BIRC2: variants seen among roughly 807,000 people sequenced by gnomAD.
The protein encoded by BIRC2 is baculoviral IAP repeat containing 2, also known as baculoviral IAP repeat-containing protein 2.
Under a neutral mutation model 60.9 loss-of-function variants are expected in BIRC2, and 18 were observed. That is an observed-to-expected ratio of 0.30 (90% confidence interval 0.20 to 0.44). The LOEUF is 0.44. Among genes scored for constraint, BIRC2 ranks in the 20% least tolerant of loss-of-function variants. The probability of loss-of-function intolerance (pLI) is 1.00; values close to 1 mark genes in which losing one functional copy is unlikely to be tolerated. For synonymous variants in BIRC2, 282 were observed against 247.7 expected (o/e 1.14, Z -1.30); for missense variants, 701 against 728.5 (o/e 0.96, Z 0.43).
intron 5 of BIRC2, among the ~76,000 whole-genome samples, chr11:102,365,488 C>G (rs1951542730): frequency 6.6e-6 from 1 of 152,172 alleles, no homozygotes; most frequent in South Asian, 2.1e-4. Flanking sequence ...AGAAACTGTT[C>G]TTGTCATGGT....
intron 3 of BIRC2, among the ~76,000 whole-genome samples, chr11:102,357,104 G>A (rs1321912637): frequency 6.6e-6 from 1 of 152,080 alleles, no homozygotes; most frequent in African/African-American, 2.4e-5. Flanking sequence ...TGCTGAATTC[G>A]GTTTGCTAGT....
chr11:102,372,772 A>T (rs1276673660), intron 6 of BIRC2, among the ~76,000 whole-genome samples: 2 of 122,712 alleles, frequency 1.6e-5, no homozygotes, highest in Non-Finnish European at 3.4e-5. Flanking sequence ...TGGGGTGTTA[A>T]AGTCTCCCAT....
intron 6 of BIRC2, among the ~76,000 whole-genome samples, chr11:102,373,502 C>G (rs933208946): frequency 3.3e-5 from 5 of 151,944 alleles, no homozygotes; most frequent in African/African-American, 9.7e-5. Context: ...GGCCCCCACT[C>G]TCTTCTGGCT....
chr11:102,373,513 T>C (rs1951660831), intron 6 of BIRC2, among the ~76,000 whole-genome samples: 1 of 152,050 alleles, frequency 6.6e-6, no homozygotes, highest in Non-Finnish European at 1.5e-5. Flanking sequence ...TCTTCTGGCT[T>C]GTAGGGTTTC....
Position 102,368,544 on chromosome 11 carries a change from A to G in BIRC2, c.1362A>G (p.Ala454=), listed in dbSNP as rs1951580062. The G allele has an allele frequency of 1.2e-6, 2 of 1,612,822 alleles. No individual in the cohort carries two copies. The highest frequency in any genetic ancestry group is 3.3e-5 in the Admixed American group (2 of 59,836). Residue 454 remains alanine, a synonymous_variant, in exon 6 of 9, where the codon GCA becomes GCG. Coordinates refer to ENST00000227758, the MANE Select transcript of BIRC2 (RefSeq NM_001166.5). Reference sequence around the variant, plus strand: ...AGGAAAAACAAGCTGAAGAAATGGCATCAGGTATTTGGGGATGTTAGTCAC... The same window carrying G: ...AGGAAAAACAAGCTGAAGAAATGGCGTCAGGTATTTGGGGATGTTAGTCAC... The part of the protein sequence containing the change: ...EEKEKQAEEM[A]SDDLSLIRKN...
chr11:102,368,726 T>G (rs1951582754), intron 6 of BIRC2, among the ~76,000 whole-genome samples, 178 bp downstream of exon 6: 1 of 152,162 alleles, frequency 6.6e-6, no homozygotes, highest in South Asian at 2.1e-4. Context: ...TGAGAACCAT[T>G]GACTGCCGCT....
chr11:102,378,050 T>A lies in BIRC2; in HGVS notation c.1724T>A (p.Met575Lys). 1 of 1,613,744 alleles carries A rather than the reference T, an allele frequency of 6.2e-7. No homozygotes were observed. Among genetic ancestry groups the A allele is most frequent in the Non-Finnish European group, 8.5e-7 (1 of 1,179,824 alleles). Residue 575 changes from methionine (M) to lysine (K), a missense_variant, in exon 9 of 9, where the codon ATG becomes AAG. Physicochemically the swap from Met to Lys is moderately conservative, Grantham distance 95 (BLOSUM62 -1). Around this residue, in one of 4 missense-constraint regions of BIRC2, gnomAD observed 52 missense variants for 83.9 expected, o/e 0.62. Coordinates refer to ENST00000227758, the MANE Select transcript of BIRC2 (RefSeq NM_001166.5). Reference sequence around the variant, plus strand: ...GAAGAACGAACTTGTAAAGTGTGTATGGACAAAGAAGTTTCTGTTGTATTT... The same window carrying A: ...GAAGAACGAACTTGTAAAGTGTGTAAGGACAAAGAAGTTTCTGTTGTATTT... ...LQEERTCKVCMDKEVSVVFIP... is the reference protein window; with the variant it reads ...LQEERTCKVCKDKEVSVVFIP...
chr11:102,364,167 A>ATATATATATATATATATG (rs1951521691), intron 5 of BIRC2, among the ~76,000 whole-genome samples: 1 of 94,180 alleles, frequency 1.1e-5, no homozygotes, highest in African/African-American at 5.3e-5. Context: ...ATATATATAT[A>ATATATATATATATATATG]TATATATACA....
chr11:102,363,582 C>G (rs1463389512), intron 4 of BIRC2, 86 bp from the exon 5 acceptor site: 8 of 1,034,906 alleles, frequency 7.7e-6, no homozygotes, highest in Admixed American at 2.0e-5. Flanking sequence ...TATACATTTA[C>G]TTAAAGTAAG....
At position 102,350,658 on chromosome 11, in the gene BIRC2, A is replaced by C; in HGVS notation, c.804A>C (p.Thr268=). 6.2e-7 allele frequency: 1 copy of C among 1,614,020 alleles called. No individual in the cohort carries two copies. The change falls in exon 2 of 9, where the codon ACA becomes ACC. Residue 268 remains threonine (T), a synonymous_variant. Coordinates refer to ENST00000227758, the MANE Select transcript of BIRC2 (RefSeq NM_001166.5). ...RFSISNLSMQ[T]HAARMRTFMY... ...GCATTTCAAATCTGAGCATGCAGAC[A>C]CATGCAGCTCGAATGAGAACATTTA...
intron 3 of BIRC2, among the ~76,000 whole-genome samples, chr11:102,357,902 A>G (rs1427360042): frequency 1.3e-5 from 2 of 151,910 alleles, no homozygotes; most frequent in Admixed American, 6.6e-5. Context: ...TTAGAACTGC[A>G]TTTGTTCTAT....
At chr11:102,377,053 C>T (rs1951723466) in intron 6 of BIRC2, among the ~76,000 whole-genome samples, 1 of 152,122 alleles carries the variant, frequency 6.6e-6, no homozygotes, top group South Asian at 2.1e-4. Flanking sequence ...TCTTAGGCCA[C>T]TCATTCTTTT....
intron 6 of BIRC2, among the ~76,000 whole-genome samples, chr11:102,373,104 G>T (rs1951654304): frequency 1.3e-5 from 2 of 150,122 alleles, no homozygotes; most frequent in Admixed American, 1.3e-4. Flanking sequence ...ACACTGATGG[G>T]TCTTGACTCT....
intron 6 of BIRC2, among the ~76,000 whole-genome samples, chr11:102,375,022 G>A (rs1049744310): frequency 3.3e-5 from 5 of 152,200 alleles, no homozygotes; most frequent in South Asian, 2.1e-4. Context: ...GCCCTGCTTC[G>A]GTTTGCACAC....
chr11:102,377,840 A>T lies in BIRC2; in HGVS notation c.1622-17A>T. Reference sequence around the variant, plus strand: ...TGTATTTAGTAGAGTAATGGTTTTTATGTTTTCTTTCCTCAGTGGATAAGA... The same window carrying T: ...TGTATTTAGTAGAGTAATGGTTTTTTTGTTTTCTTTCCTCAGTGGATAAGA... On this transcript the variant is annotated splice_polypyrimidine_tract_variant and intron_variant, in intron 7 of 8. Transcript: ENST00000227758. 3.1e-6 allele frequency: 5 copies of T among 1,600,918 alleles called. No individual in the cohort carries two copies. The highest frequency in any genetic ancestry group is 4.2e-6 in the Non-Finnish European group (5 of 1,176,738).
rs747200705 is a variant in BIRC2, at chr11:102,350,478, T to A, written c.624T>A (p.Gly208=). 3.1e-6 allele frequency: 5 copies of A among 1,614,146 alleles called. No individual in the cohort carries two copies. The highest frequency in any genetic ancestry group is 4.2e-6 in the Non-Finnish European group (5 of 1,180,028). Reference sequence around the variant, plus strand: ...CACCATCAGAATTGGCAAGAGCTGGTTTTTATTATATAGGACCTGGAGATA... The same window carrying A: ...CACCATCAGAATTGGCAAGAGCTGGATTTTATTATATAGGACCTGGAGATA... The part of the protein sequence containing the change: ...FLSPSELARA[G]FYYIGPGDRV... The change falls in exon 2 of 9, where the codon GGT becomes GGA. Residue 208 remains glycine, a synonymous_variant. Coordinates refer to ENST00000227758, the MANE Select transcript of BIRC2 (RefSeq NM_001166.5).
intron 6 of BIRC2, among the ~76,000 whole-genome samples, chr11:102,372,634 G>A (rs1951648298): frequency 7.0e-6 from 1 of 142,276 alleles, no homozygotes. Context: ...TGAAAAAAAT[G>A]TATATTCTGT....
At chr11:102,368,652 G>T in intron 6 of BIRC2, 104 bp downstream of exon 6, 1 of 1,442,744 alleles carries the variant, frequency 6.9e-7, no homozygotes, top group Non-Finnish European at 9.4e-7. Context: ...CTAACTGCTG[G>T]TAGCAGTCCT....
intron 6 of BIRC2, among the ~76,000 whole-genome samples, chr11:102,373,825 C>G (rs563021597): frequency 1.3e-5 from 2 of 151,590 alleles, no homozygotes; most frequent in Non-Finnish European, 2.9e-5. Flanking sequence ...TAGATTTGGT[C>G]TTTTCACATA....
Sources: allele counts gnomAD v4.1 joint callset (sites outside exome capture counted in the v4.1 genomes callset), GRCh38; gene constraint gnomAD v4.1.1; regional missense constraint gnomAD v4.1.1; transcripts MANE v1.5; gene names NCBI Gene and HGNC (gene_info 2026-07-23, HGNC 2026-07-21).